The following WDHD1 variants were observed in gnomAD, a reference collection of about 807,000 sequenced individuals.
WDHD1 encodes WD repeat and HMG-box DNA-binding protein 1.
WDHD1 carries 111 observed loss-of-function variants against 135.4 expected under a neutral mutation model. The ratio of observed to expected loss-of-function variants is 0.82; its 90% CI spans 0.70 to 0.96. The LOEUF (loss-of-function observed/expected upper bound fraction) is 0.96. WDHD1 is among the 40% of genes least tolerant of loss of function. The probability of loss-of-function intolerance (pLI) is 0.00; values close to 1 mark genes in which losing one functional copy is unlikely to be tolerated. For synonymous variants in WDHD1, 434 were observed against 439.0 expected (o/e 0.99, Z 0.14); for missense variants, 1,351 against 1,336.3 (o/e 1.01, Z -0.17).
chr14:55,007,586 T>C (rs1482156049), intron 6 of WDHD1, among the ~76,000 whole-genome samples: 1 of 152,168 alleles, frequency 6.6e-6, no homozygotes, highest in African/African-American at 2.4e-5. Flanking sequence ...AACTAGAGTA[T>C]TTTCTGTGCA....
At chr14:54,963,574 A>G (rs1048902251) in intron 18 of WDHD1, among the ~76,000 whole-genome samples, 4 of 152,014 alleles carry the variant, frequency 2.6e-5, no homozygotes, top group Non-Finnish European at 2.9e-5. Context: ...GGAGGCCCAG[A>G]TGGGTGGATC....
intron 16 of WDHD1, among the ~76,000 whole-genome samples, chr14:54,974,923 C>A (rs7159933): frequency 0.43 from 64,801 of 152,054 alleles, 15,613 homozygotes; most frequent in African/African-American, 0.66. Context: ...TGTGTTGGAC[C>A]GGACTGTCTT....
rs571969220 is a variant in WDHD1, at chr14:55,019,689, C to T, written c.78-6093G>A. Among the ~76,000 whole-genome samples, 12 of 152,146 alleles carry T rather than the reference C, an allele frequency of 7.9e-5. No homozygotes were observed. In the East Asian group the frequency reaches 1.2e-3, roughly 15 times the overall value. On this transcript the variant is annotated intron_variant, in intron 2 of 25. Coordinates refer to ENST00000360586, the MANE Select transcript of WDHD1 (RefSeq NM_007086.4). ...TTCAAGACTAGCCTGGCCAACATGA[C>T]GAAACCTTGTCTCTACTAAAAATAC...
Position 54,966,616 on chromosome 14 carries a change from C to CA in WDHD1, c.2179-11dup, listed in dbSNP as rs1164259067. 12 of 1,595,984 alleles carry CA rather than the reference C, an allele frequency of 7.5e-6. No homozygotes were observed. Among genetic ancestry groups the CA allele is most frequent in the Non-Finnish European group, 1.0e-5 (12 of 1,174,362 alleles). On this transcript the variant is annotated splice_polypyrimidine_tract_variant and intron_variant, in intron 17 of 25. Transcript: ENST00000360586. ...AACGCCAAAATTGCTCCTATAAAAGCAAATAAAATTGCTTAAGGCCAACTA... is the reference window on the plus strand; with the variant it reads ...AACGCCAAAATTGCTCCTATAAAAGCAAAATAAAATTGCTTAAGGCCAACTA...
In WDHD1 at chr14:54,967,576, T is replaced by C. The variant is rs112884718; in HGVS notation, c.2064-182A>G. 7.5e-3 allele frequency among the ~76,000 whole-genome samples: 1,145 copies of C among 152,312 alleles called. 5 individuals carry two copies. The highest frequency in any genetic ancestry group is 0.012 in the Non-Finnish European group (823 of 68,020). ...TAGGCTTGACTAGGCATAAAGACTATCCCTACATGCATTTCAAGAATAGAA... is the reference window on the plus strand; with the variant it reads ...TAGGCTTGACTAGGCATAAAGACTACCCCTACATGCATTTCAAGAATAGAA... On this transcript the variant is annotated intron_variant, in intron 16 of 25. Transcript: ENST00000360586.
chr14:54,979,545 T>G (rs1274120134), intron 16 of WDHD1, among the ~76,000 whole-genome samples: 1 of 152,176 alleles, frequency 6.6e-6, no homozygotes, highest in African/African-American at 2.4e-5. Context: ...AATTTAACAT[T>G]TTATCACTTT....
intron 3 of WDHD1, among the ~76,000 whole-genome samples, chr14:55,012,454 C>A (rs182311432): frequency 6.6e-6 from 1 of 152,246 alleles, no homozygotes; most frequent in Admixed American, 6.5e-5. Flanking sequence ...ATCTCATTCC[C>A]ATATTTGCGT....
intron 7 of WDHD1, chr14:55,005,231 G>A (rs187808029): frequency 2.4e-5 from 13 of 539,170 alleles, no homozygotes; most frequent in African/African-American, 2.1e-4. Flanking sequence ...ATAGCACAGA[G>A]GAAAATCTGT....
In WDHD1 at chr14:54,957,147, T is replaced by C. The variant is rs1357368636; in HGVS notation, c.2803A>G (p.Ile935Val). The change falls in exon 23 of 26, where the codon ATT becomes GTT. Residue 935 changes from isoleucine to valine, a missense_variant. Physicochemically the swap from Ile to Val is conservative, Grantham distance 29. Coordinates refer to ENST00000360586, the MANE Select transcript of WDHD1 (RefSeq NM_007086.4). ...MSMNSARSTN[I>V]LDNMGKSSKK... ...GATGATTTGCCCATATTGTCTAAAA[T>C]ATTAGTTGAACGTGCTGAATTCATT... 1 of 1,614,198 alleles carries C rather than the reference T, an allele frequency of 6.2e-7. No homozygotes were observed. The highest frequency in any genetic ancestry group is 2.2e-5 in the East Asian group (1 of 44,882).
At chr14:55,005,523 C>G (rs1276741995) in intron 7 of WDHD1, 1 of 573,294 alleles carries the variant, frequency 1.7e-6, no homozygotes, top group Non-Finnish European at 3.3e-6. Flanking sequence ...AGAAGCTTCT[C>G]CCAGGTCCTC....
intron 24 of WDHD1, among the ~76,000 whole-genome samples, chr14:54,945,652 T>C (rs919896344): frequency 6.6e-6 from 1 of 152,324 alleles, no homozygotes; most frequent in East Asian, 1.9e-4. Context: ...GTGATTCTCC[T>C]GCCTCAGCCT....
chr14:54,943,071 T>C (rs2040863711), intron 25 of WDHD1, among the ~76,000 whole-genome samples: 1 of 152,232 alleles, frequency 6.6e-6, no homozygotes. Context: ...CCAAAGCAAG[T>C]ATCTACGTTA....
At chr14:54,982,022 T>A (rs1328995608) in intron 15 of WDHD1, among the ~76,000 whole-genome samples, 2 of 151,724 alleles carry the variant, frequency 1.3e-5, no homozygotes, top group Non-Finnish European at 1.5e-5. Context: ...TTATTTTTTT[T>A]TTCGAGATGG....
rs141680216 is a variant in WDHD1, at chr14:54,999,129, A to C, written c.942+1374T>G. Reference sequence around the variant, plus strand: ...TTTTCCAATCTCCTGCCTGAAATGCATAAGAATGGCTGACAATGTTCTGGG... The same window carrying C: ...TTTTCCAATCTCCTGCCTGAAATGCCTAAGAATGGCTGACAATGTTCTGGG... On this transcript the variant is annotated intron_variant, in intron 10 of 25. Transcript: ENST00000360586. 2.6e-5 allele frequency among the ~76,000 whole-genome samples: 4 copies of C among 152,350 alleles called. No individual in the cohort carries two copies. The East Asian group carries it at 7.7e-4, about 29-fold the overall frequency.
intron 2 of WDHD1, among the ~76,000 whole-genome samples, chr14:55,025,606 T>A (rs1203157369): frequency 6.6e-6 from 1 of 152,226 alleles, no homozygotes; most frequent in Non-Finnish European, 1.5e-5. Flanking sequence ...TGATCACATC[T>A]CTCTGCTTCA....
chr14:55,018,323 T>C (rs923988000), intron 2 of WDHD1, among the ~76,000 whole-genome samples: 15 of 152,148 alleles, frequency 9.9e-5, no homozygotes, highest in African/African-American at 2.7e-4. Flanking sequence ...AATTTATCCC[T>C]ACAAAAGCAA....
chr14:55,002,536 ATAAAGGTGATCACTC>A (rs1222451177), intron 7 of WDHD1, among the ~76,000 whole-genome samples: 1 of 152,212 alleles, frequency 6.6e-6, no homozygotes, highest in Non-Finnish European at 1.5e-5. Context: ...AGAGAAAAAA[ATAAAGGTGATCACTC>A]TATTGCTTGC....
At chr14:55,009,724 G>A (rs139462255) in intron 4 of WDHD1, among the ~76,000 whole-genome samples, 11 of 147,560 alleles carry the variant, frequency 7.5e-5, no homozygotes, top group Admixed American at 1.4e-4. Context: ...GAGCCACGAC[G>A]CCAGCCCTAA....
chr14:54,983,456 T>C (rs113413396), intron 15 of WDHD1, among the ~76,000 whole-genome samples: 2 of 150,986 alleles, frequency 1.3e-5, no homozygotes, highest in Non-Finnish European at 3.0e-5. Context: ...GTGGATCACA[T>C]GAGGTCAGGA....
Sources: allele counts gnomAD v4.1 joint callset (sites outside exome capture counted in the v4.1 genomes callset), GRCh38; gene constraint gnomAD v4.1.1; transcripts MANE v1.5; gene names NCBI Gene and HGNC (gene_info 2026-07-23, HGNC 2026-07-21).